Variants in PFKL observed in about 807,000 individuals in gnomAD.
PFKL encodes the protein ATP-dependent 6-phosphofructokinase, liver type.
A neutral mutation model predicts 92.1 loss-of-function variants in PFKL; 74 were observed. The observed-to-expected ratio is 0.80, with a 90% confidence interval of 0.67 to 0.97. PFKL has a LOEUF of 0.97. Ranked by LOEUF, PFKL falls within the 50% of genes least tolerant of loss-of-function variation. The pLI is 0.00. For missense variants in PFKL, 1,028 were observed against 1,116.6 expected, an observed-to-expected ratio of 0.92 and a Z score of 1.13; for synonymous variants, 494 against 456.4, an observed-to-expected ratio of 1.08 and a Z score of -1.05.
At chr21:44,308,594 T>G (rs1323554287) in intron 2 of PFKL, among the ~76,000 whole-genome samples, 1 of 144,974 alleles carries the variant, frequency 6.9e-6, no homozygotes, top group Non-Finnish European at 1.5e-5. Context: ...CAGAGTCTCA[T>G]TCTGTTGCCC....
intron 17 of PFKL, 68 bp from the exon 18 acceptor site, chr21:44,324,788 G>A (rs1295255973): frequency 1.3e-6 from 2 of 1,586,410 alleles, no homozygotes; most frequent in Non-Finnish European, 1.7e-6. Flanking sequence ...GCTGGCCCCG[G>A]ATCGCCGGTC....
chr21:44,311,509 TACAG>T (rs930596864), intron 3 of PFKL, among the ~76,000 whole-genome samples: 62 of 152,136 alleles, frequency 4.1e-4, no homozygotes, highest in African/African-American at 1.5e-3. Flanking sequence ...TACAGAAACA[TACAG>T]ACATATGTAC....
chr21:44,326,848 G>A lies in PFKL; in HGVS notation c.2329G>A (p.Asp777Asn). 1 of 1,609,556 alleles carries A rather than the reference G, an allele frequency of 6.2e-7. No individual in the cohort carries two copies. The highest frequency in any genetic ancestry group is 8.5e-7 in the Non-Finnish European group (1 of 1,178,568). ...EHVTRRTLSMDKGF is the reference protein window; with the variant it reads ...EHVTRRTLSMNKGF Reference sequence around the variant, plus strand: ...CGTGACCCGCCGCACCCTGAGCATGGACAAGGGCTTCTGAGGCCAGCCATG... The same window carrying A: ...CGTGACCCGCCGCACCCTGAGCATGAACAAGGGCTTCTGAGGCCAGCCATG... The change falls in exon 22 of 22, where the codon GAC (aspartate) becomes AAC (asparagine). Residue 777 changes from aspartate (D) to asparagine (N), a missense_variant. Physicochemically the swap from Asp to Asn is conservative, Grantham distance 23. Transcript: ENST00000349048.
chr21:44,324,962 TC>T (rs1284924170), intron 18 of PFKL, 45 bp downstream of exon 18: 1 of 1,543,054 alleles, frequency 6.5e-7, no homozygotes, highest in Non-Finnish European at 8.8e-7. Flanking sequence ...CGTCCAACTC[TC>T]GGGGCTGGGG....
intron 1 of PFKL, among the ~76,000 whole-genome samples, chr21:44,302,031 C>T (rs1438817982): frequency 6.6e-6 from 1 of 152,200 alleles, no homozygotes; most frequent in Non-Finnish European, 1.5e-5. Flanking sequence ...GATGGGATGC[C>T]CCTCCTGGCC....
intron 1 of PFKL, among the ~76,000 whole-genome samples, chr21:44,302,477 C>T (rs1276151046): frequency 6.6e-6 from 1 of 152,170 alleles, no homozygotes; most frequent in African/African-American, 2.4e-5. Flanking sequence ...GCCACCACTG[C>T]TGCTGCCGTG....
chr21:44,319,326 C>G (rs1011128672), intron 10 of PFKL, 25 bp from the exon 11 acceptor site: 9 of 1,606,314 alleles, frequency 5.6e-6, no homozygotes, highest in African/African-American at 1.3e-5. Context: ...TCTCCATAGT[C>G]TGTGTTCTGT....
At chr21:44,313,219 G>C in intron 5 of PFKL, 76 bp downstream of exon 5, 1 of 1,515,528 alleles carries the variant, frequency 6.6e-7, no homozygotes, top group Non-Finnish European at 9.0e-7. Context: ...TCAGGGTGAC[G>C]GCCATCTGCA....
intron 19 of PFKL, 85 bp downstream of exon 19, chr21:44,325,349 C>T (rs1035295813): frequency 2.5e-5 from 20 of 794,096 alleles, no homozygotes; most frequent in Admixed American, 1.0e-4. Flanking sequence ...CCAGCCCTCA[C>T]GGGCACCCAC....
At position 44,324,452 on chromosome 21, in the gene PFKL, G is replaced by A. The variant is rs544038496; in HGVS notation, c.1651-39G>A. 5.6e-6 allele frequency: 9 copies of A among 1,606,800 alleles called. No individual in the cohort carries two copies. In the African/African-American group the frequency reaches 6.7e-5, roughly 12 times the overall value. ...ATGCCGACGGCCTACAGGGAAGGGT[G>A]GGCACGTGGAGGACCCCCGACCCCC... is the stretch of plus-strand genomic sequence containing the variant. On this transcript the variant is annotated intron_variant, in intron 16 of 21. Transcript: ENST00000349048.
At chr21:44,302,560 C>T (rs749736231) in intron 1 of PFKL, among the ~76,000 whole-genome samples, 14 of 152,176 alleles carry the variant, frequency 9.2e-5, no homozygotes, top group African/African-American at 3.1e-4. Context: ...TGACCCTGGC[C>T]GAGGGGAAGC....
rs574293240 is a variant in PFKL, at chr21:44,324,917, G to A, written c.1877G>A (p.Arg626Gln). 1.9e-5 allele frequency: 30 copies of A among 1,604,104 alleles called. No individual in the cohort carries two copies. The highest frequency in any genetic ancestry group is 5.6e-5 in the South Asian group (5 of 89,928). ...GACATTCAGAGGGGCCTGGTGCTGC[G>A]GTGAGGCTGCCGTGGGTCCCTGGCC... ...KTDIQRGLVL[R>Q]NEKCHDYYTT... Residue 626 changes from arginine (R) to glutamine (Q), a missense_variant and splice_region_variant, in exon 18 of 22, where the codon CGG (arginine) becomes CAG (glutamine). Transcript: ENST00000349048.
In PFKL at chr21:44,321,725, G is replaced by C; in HGVS notation, c.1192-4G>C. ...CTCACGCTCATCTCCCCTTCTCTCT[G>C]AAGTCTAACTTCTCCCTGGCCATCC... On this transcript the variant is annotated splice_region_variant and splice_polypyrimidine_tract_variant and intron_variant, in intron 12 of 21. Transcript: ENST00000349048. 1 of 1,557,832 alleles carries C rather than the reference G, an allele frequency of 6.4e-7. No individual in the cohort carries two copies. Among genetic ancestry groups the C allele is most frequent in the Non-Finnish European group, 8.7e-7 (1 of 1,151,884 alleles).
intron 12 of PFKL, 98 bp from the exon 13 acceptor site, chr21:44,321,631 C>A: frequency 7.8e-7 from 1 of 1,275,952 alleles, no homozygotes; most frequent in Non-Finnish European, 1.0e-6. Context: ...CAGGGCCTGG[C>A]CCCTTTTTCC....
chr21:44,317,076 G>C (rs2047228852), intron 9 of PFKL, among the ~76,000 whole-genome samples: 1 of 152,214 alleles, frequency 6.6e-6, no homozygotes, highest in Non-Finnish European at 1.5e-5. Context: ...GCCGTCCTTG[G>C]TCCTGATCAC....
At chr21:44,319,626 G>A in intron 11 of PFKL, 1 of 597,122 alleles carries the variant, frequency 1.7e-6, no homozygotes, top group Non-Finnish European at 3.0e-6. Flanking sequence ...GCACGGGCAG[G>A]GCCCAGTGCA....
chr21:44,325,167 A>G lies in PFKL; in HGVS notation c.1892A>G (p.His631Arg), dbSNP rs1394101123. 6.2e-7 allele frequency: 1 copy of G among 1,611,616 alleles called. No homozygotes were observed. ...RGLVLRNEKC[H>R]DYYTTEFLYN... is the part of the protein sequence containing the mutation. Reference sequence around the variant, plus strand: ...GCCCCTCTCAGGAACGAGAAGTGCCATGACTACTACACCACGGAGTTCCTG... The same window carrying G: ...GCCCCTCTCAGGAACGAGAAGTGCCGTGACTACTACACCACGGAGTTCCTG... Residue 631 changes from histidine to arginine, a missense_variant, in exon 19 of 22, where the codon CAT (histidine) becomes CGT (arginine). Physicochemically the swap from His to Arg is conservative, Grantham distance 29. Transcript: ENST00000349048.
chr21:44,323,706 G>A, intron 15 of PFKL, 60 bp from the exon 16 acceptor site: 3 of 1,549,426 alleles, frequency 1.9e-6, no homozygotes, highest in Admixed American at 3.7e-5. Context: ...GGCAGAGCCT[G>A]TCCCCGGCCC....
chr21:44,305,905 G>C (rs2040922486), intron 1 of PFKL: 2 of 1,364,060 alleles, frequency 1.5e-6, no homozygotes, highest in Non-Finnish European at 2.0e-6. Context: ...CTCAGAGCCT[G>C]GTGGCACCAG....
Sources: allele counts gnomAD v4.1 joint callset (sites outside exome capture counted in the v4.1 genomes callset), GRCh38; gene constraint gnomAD v4.1.1; transcripts MANE v1.5; gene names NCBI Gene and HGNC (gene_info 2026-07-23, HGNC 2026-07-21).